CCT8: variants seen among roughly 807,000 people sequenced by gnomAD.
CCT8 encodes the protein T-complex protein 1 subunit theta.
In CCT8, 10 loss-of-function variants were observed where a neutral mutation model predicts 65.7. That is an observed-to-expected ratio of 0.15 (90% CI 0.09 to 0.26). CCT8 has a LOEUF of 0.26. CCT8 is among the 10% of genes least tolerant of loss of function. The pLI is 1.00. For synonymous variants in CCT8, 199 were observed against 221.8 expected, an observed-to-expected ratio of 0.90 and a Z score of 0.92; for missense variants, 568 against 669.1, an observed-to-expected ratio of 0.85 and a Z score of 1.67.
intron 6 of CCT8, among the ~76,000 whole-genome samples, chr21:29,065,336 C>A (rs1176093982): frequency 6.6e-6 from 1 of 152,170 alleles, no homozygotes; most frequent in East Asian, 1.9e-4. Context: ...CTTCCATGTA[C>A]TGGGAAGAAC....
chr21:29,066,794 A>G lies in CCT8; in HGVS notation c.563-17T>C, dbSNP rs749676122. 2 of 1,594,468 alleles carry G rather than the reference A, an allele frequency of 1.3e-6. No individual in the cohort carries two copies. The highest frequency in any genetic ancestry group is 2.3e-5 in the South Asian group (2 of 88,366). Reference sequence around the variant, plus strand: ...AAATAGATACTGTTAAGAAAATGAGACATATCAAAAGATTATTTTGGGACA... The same window carrying G: ...AAATAGATACTGTTAAGAAAATGAGGCATATCAAAAGATTATTTTGGGACA... On this transcript the variant is annotated splice_polypyrimidine_tract_variant and intron_variant, in intron 5 of 14. Coordinates refer to ENST00000286788, the MANE Select transcript of CCT8 (RefSeq NM_006585.4).
chr21:29,057,601 A>G (rs942063164), intron 14 of CCT8, among the ~76,000 whole-genome samples: 1 of 115,434 alleles, frequency 8.7e-6, no homozygotes, highest in Non-Finnish European at 2.2e-5. Context: ...CCTAGTCTAC[A>G]AAAACTAAAA....
At chr21:29,060,212 G>T (rs1191771153) in intron 14 of CCT8, 2 of 171,596 alleles carry the variant, frequency 1.2e-5, no homozygotes, top group Non-Finnish European at 2.5e-5. Context: ...CAGACAGCTA[G>T]AGACTCCATT....
chr21:29,066,731 T>C lies in CCT8; in HGVS notation c.609A>G (p.Arg203=). 4.4e-6 allele frequency: 7 copies of C among 1,607,110 alleles called. No individual in the cohort carries two copies. The highest frequency in any genetic ancestry group is 6.0e-6 in the Non-Finnish European group (7 of 1,176,294). Reference sequence around the variant, plus strand: ...TTCTACTTACCAGAATTTTACAAACTCTGATGTTATCAACATTGAAATGGC... The same window carrying C: ...TTCTACTTACCAGAATTTTACAAACCCTGATGTTATCAACATTGAAATGGC... ...DSGHFNVDNI[R]VCKILGSGIS... Residue 203 remains arginine (R), a synonymous_variant, in exon 6 of 15, where the codon AGA becomes AGG. Transcript: ENST00000286788.
At chr21:29,061,666 C>A in intron 11 of CCT8, 99 bp from the exon 12 acceptor site, 1 of 1,161,134 alleles carries the variant, frequency 8.6e-7, no homozygotes, top group Non-Finnish European at 1.2e-6. Context: ...CAGTACCCCA[C>A]CAAACAGGAG....
rs1251980022 is a variant in CCT8, at chr21:29,063,550, T to C, written c.763-20A>G. On this transcript the variant is annotated intron_variant, in intron 7 of 14. Transcript: ENST00000286788. Reference sequence around the variant, plus strand: ...TGTTCCCTGGCAAAACAAGTAAACATTCCCTTTAAAATCATTTCACTACGT... The same window carrying C: ...TGTTCCCTGGCAAAACAAGTAAACACTCCCTTTAAAATCATTTCACTACGT... 12 of 1,609,022 alleles carry C rather than the reference T, an allele frequency of 7.5e-6. No individual in the cohort carries two copies. Among genetic ancestry groups the C allele is most frequent in the Non-Finnish European group, 1.0e-5 (12 of 1,177,378 alleles).
intron 1 of CCT8, chr21:29,073,330 C>T (rs2085704641): frequency 7.8e-6 from 11 of 1,417,086 alleles, no homozygotes; most frequent in Non-Finnish European, 1.0e-5. Flanking sequence ...CGGCCTTCTC[C>T]CGGTCGCGGA....
Position 29,062,211 on chromosome 21 carries a change from G to C in CCT8, c.1129C>G (p.Leu377Val). The change falls in exon 11 of 15, where the codon CTT (leucine) becomes GTT (valine). Residue 377 changes from leucine (L) to valine (V), a missense_variant. By Grantham distance (32) the Leu-to-Val change is conservative. Transcript: ENST00000286788. Reference protein sequence around the residue: ...KEDGAISTIVLRGSTDNLMDD... With the variant: ...KEDGAISTIVVRGSTDNLMDD... The stretch of plus-strand genomic sequence containing the variant: ...ATCAGATTGTCTGTAGAGCCTCGAA[G>C]TACTATGGTAGAAATGGCGCCATCT... 3 of 1,613,780 alleles carry C rather than the reference G, an allele frequency of 1.9e-6. No homozygotes were observed. The highest frequency in any genetic ancestry group is 2.5e-6 in the Non-Finnish European group (3 of 1,179,824).
chr21:29,069,512 AAC>A lies in CCT8; in HGVS notation c.152-12_152-11del, dbSNP rs764335915. 2 of 1,513,052 alleles carry A rather than the reference AAC, an allele frequency of 1.3e-6. No homozygotes were observed. Among genetic ancestry groups the A allele is most frequent in the Non-Finnish European group, 1.8e-6 (2 of 1,124,456 alleles). The allele number at this position is 1,513,052 out of a possible 1,614,324, so 93.7% of individuals were successfully genotyped here. A position where few individuals can be genotyped will look rare whatever the true frequency, so the allele number is the denominator to read the frequency against. Reference sequence around the variant, plus strand: ...ACCATTTTGTTCATTCCTCAAAAGTAACAGTTAAAAAAAGAAAAAGAAAGCCA... The same window carrying A: ...ACCATTTTGTTCATTCCTCAAAAGTAAGTTAAAAAAAGAAAAAGAAAGCCA... On this transcript the variant is annotated splice_polypyrimidine_tract_variant and intron_variant, in intron 2 of 14. Coordinates refer to ENST00000286788, the MANE Select transcript of CCT8 (RefSeq NM_006585.4).
At chr21:29,073,465 A>G (rs945803633) in intron 1 of CCT8, 66 bp downstream of exon 1, 5 of 1,611,046 alleles carry the variant, frequency 3.1e-6, no homozygotes, top group African/African-American at 2.7e-5. Flanking sequence ...AGGCCCTCCT[A>G]CTTCGCCGCG....
At chr21:29,057,663 ATATG>A (rs1299079517) in intron 14 of CCT8, among the ~76,000 whole-genome samples, 5 of 143,700 alleles carry the variant, frequency 3.5e-5, no homozygotes, top group African/African-American at 1.3e-4. Context: ...TATATATGAT[ATATG>A]TATCATATAT....
chr21:29,071,658 T>C (rs1403001000), intron 1 of CCT8, among the ~76,000 whole-genome samples: 6 of 152,064 alleles, frequency 3.9e-5, no homozygotes, highest in Non-Finnish European at 8.8e-5. Flanking sequence ...AGTGTTGGGA[T>C]TACAGGTGTG....
At chr21:29,062,875 ACT>A (rs1309129328) in intron 8 of CCT8, 1 of 383,550 alleles carries the variant, frequency 2.6e-6, no homozygotes, top group African/African-American at 2.1e-5. Flanking sequence ...CCCTTACAAA[ACT>A]CAACAGCATA....
At chr21:29,068,400 T>C (rs2085646557) in intron 3 of CCT8, among the ~76,000 whole-genome samples, 1 of 152,120 alleles carries the variant, frequency 6.6e-6, no homozygotes, top group African/African-American at 2.4e-5. Context: ...TACAAGTGTT[T>C]TGTGGAGTTA....
intron 14 of CCT8, among the ~76,000 whole-genome samples, chr21:29,057,576 G>C (rs936355602): frequency 4.6e-5 from 4 of 86,480 alleles, no homozygotes; most frequent in Non-Finnish European, 1.4e-4. Flanking sequence ...GACCAGCCTG[G>C]GCAACAAAGT....
intron 1 of CCT8, 56 bp downstream of exon 1, chr21:29,073,475 G>A (rs1422421447): frequency 1.2e-5 from 20 of 1,612,284 alleles, no homozygotes; most frequent in Non-Finnish European, 1.6e-5. Flanking sequence ...ACTTCGCCGC[G>A]GCCGCCGCAG....
chr21:29,056,874 C>T (rs1044921766), intron 14 of CCT8, among the ~76,000 whole-genome samples: 2 of 152,178 alleles, frequency 1.3e-5, no homozygotes, highest in African/African-American at 4.8e-5. Flanking sequence ...GTAAGTCGGT[C>T]AGTTTGGCAC....
chr21:29,070,379 G>A (rs1367738847), intron 1 of CCT8, 42 bp from the exon 2 acceptor site: 7 of 1,270,370 alleles, frequency 5.5e-6, no homozygotes, highest in Non-Finnish European at 6.7e-6. Context: ...AATTAGACAG[G>A]ACAGTGAAAC....
At chr21:29,073,041 C>T (rs2085700363) in intron 1 of CCT8, among the ~76,000 whole-genome samples, 2 of 152,222 alleles carry the variant, frequency 1.3e-5, no homozygotes, top group South Asian at 4.1e-4. Flanking sequence ...CCGTATGTTT[C>T]TCACTGGGAA....
Sources: allele counts gnomAD v4.1 joint callset (sites outside exome capture counted in the v4.1 genomes callset), GRCh38; gene constraint gnomAD v4.1.1; transcripts MANE v1.5; gene names NCBI Gene and HGNC (gene_info 2026-07-23, HGNC 2026-07-21).